The following AKT3 variants were observed in gnomAD, a reference collection of about 807,000 sequenced individuals.
AKT3 encodes the protein RAC-gamma serine/threonine-protein kinase.
A neutral mutation model predicts 65.3 loss-of-function variants in AKT3; 15 were observed. The ratio of observed to expected loss-of-function variants is 0.23; its 90% CI spans 0.15 to 0.35. The LOEUF is 0.35. AKT3 is among the 10% of genes least tolerant of loss of function. The pLI is 1.00. For synonymous variants in AKT3, 206 were observed against 183.8 expected, an observed-to-expected ratio of 1.12 and a Z score of -0.98; for missense variants, 243 against 576.5, an observed-to-expected ratio of 0.42 and a Z score of 5.92.
chr1:243,527,883 A>T (rs1671225308), intron 12 of AKT3, among the ~76,000 whole-genome samples: 1 of 48,448 alleles, frequency 2.1e-5, no homozygotes, highest in African/African-American at 1.2e-4. Context: ...ACACACACAC[A>T]CACACACACA....
chr1:243,589,601 A>G (rs1460519715), intron 8 of AKT3, among the ~76,000 whole-genome samples: 1 of 152,190 alleles, frequency 6.6e-6, no homozygotes, highest in East Asian at 1.9e-4. Context: ...AAATTGGTAT[A>G]GCCATTATGG....
intron 2 of AKT3, among the ~76,000 whole-genome samples, chr1:243,783,370 G>T (rs1316849888): frequency 6.6e-6 from 1 of 152,106 alleles, no homozygotes; most frequent in Non-Finnish European, 1.5e-5. Context: ...AGAACTTCTG[G>T]GTTAGTGATG....
At chr1:243,562,311 C>T (rs1673847363) in intron 10 of AKT3, among the ~76,000 whole-genome samples, 1 of 152,020 alleles carries the variant, frequency 6.6e-6, no homozygotes, top group Admixed American at 6.6e-5. Flanking sequence ...CAGTGGTTGC[C>T]TGTGGCGGAA....
chr1:243,750,065 T>C (rs984904906), intron 2 of AKT3, among the ~76,000 whole-genome samples: 1 of 152,236 alleles, frequency 6.6e-6, no homozygotes, highest in African/African-American at 2.4e-5. Flanking sequence ...GCCTCATATA[T>C]ACTTGAGCAA....
intron 4 of AKT3, among the ~76,000 whole-genome samples, chr1:243,656,814 T>C (rs960444341): frequency 6.6e-6 from 1 of 152,192 alleles, no homozygotes; most frequent in Admixed American, 6.5e-5. Flanking sequence ...GTGAAAGTAG[T>C]TAGCTGTTAA....
At chr1:243,683,681 G>A (rs1346561024) in intron 3 of AKT3, among the ~76,000 whole-genome samples, 1 of 152,146 alleles carries the variant, frequency 6.6e-6, no homozygotes, top group Non-Finnish European at 1.5e-5. Context: ...AGATACAGAG[G>A]AAAGGAAAGA....
chr1:243,520,480 T>C (rs931644180), intron 12 of AKT3, among the ~76,000 whole-genome samples: 2 of 152,242 alleles, frequency 1.3e-5, no homozygotes, highest in Non-Finnish European at 2.9e-5. Flanking sequence ...AGTATCTTCA[T>C]CTCTTCTTTT....
intron 12 of AKT3, among the ~76,000 whole-genome samples, chr1:243,516,200 T>A (rs1215496566): frequency 6.6e-6 from 1 of 152,256 alleles, no homozygotes; most frequent in African/African-American, 2.4e-5. Context: ...GGTACAAGGC[T>A]ATTCATGACA....
chr1:243,709,472 T>A (rs908539357), intron 2 of AKT3, among the ~76,000 whole-genome samples: 2 of 151,882 alleles, frequency 1.3e-5, no homozygotes. Flanking sequence ...TAATTCAAAG[T>A]ATAGTAGTTC....
At chr1:243,774,622 AG>A (rs1690429923) in intron 2 of AKT3, among the ~76,000 whole-genome samples, 1 of 152,176 alleles carries the variant, frequency 6.6e-6, no homozygotes, top group Admixed American at 6.5e-5. Context: ...CCACAATTTA[AG>A]GATATCTTTT....
intron 3 of AKT3, among the ~76,000 whole-genome samples, chr1:243,689,672 T>C (rs1684566170): frequency 6.6e-6 from 1 of 152,028 alleles, no homozygotes; most frequent in Non-Finnish European, 1.5e-5. Flanking sequence ...GTAAATACTT[T>C]GGTCATGCAC....
chr1:243,691,729 C>G (rs1684704810), intron 3 of AKT3, among the ~76,000 whole-genome samples: 1 of 152,122 alleles, frequency 6.6e-6, no homozygotes, highest in Admixed American at 6.5e-5. Flanking sequence ...TTAGGACGTA[C>G]CTGGTCAAAA....
rs6702303 is a variant in AKT3 at position 243,584,731 on chromosome 1, C to T, written c.697-11683G>A. Among the ~76,000 whole-genome samples the T allele has an allele frequency of 3.1e-3, 467 of 152,152 alleles. 5 individuals carry two copies. The highest frequency in any genetic ancestry group is 0.011 in the African/African-American group (439 of 41,552). On this transcript the variant is annotated intron_variant, in intron 8 of 13. Coordinates refer to ENST00000673466, the MANE Select transcript of AKT3 (RefSeq NM_005465.7). The stretch of plus-strand genomic sequence containing the variant: ...TGATAAAAACCCTCAACAAACTAGG[C>T]ATCAAAGGAACATACCTGAAAATAA...
At chr1:243,630,572 G>A (rs1167944893) in intron 6 of AKT3, among the ~76,000 whole-genome samples, 11 of 152,100 alleles carry the variant, frequency 7.2e-5, no homozygotes, top group Non-Finnish European at 1.6e-4. Flanking sequence ...TTGTATTTCT[G>A]TCCTCTAGGC....
chr1:243,695,219 A>G (rs1684986345), intron 3 of AKT3, among the ~76,000 whole-genome samples: 1 of 151,994 alleles, frequency 6.6e-6, no homozygotes, highest in Non-Finnish European at 1.5e-5. Flanking sequence ...AAAAGAGCTA[A>G]GATTATGACA....
intron 3 of AKT3, among the ~76,000 whole-genome samples, chr1:243,671,003 T>TA (rs1558703297): frequency 6.6e-6 from 1 of 152,192 alleles, no homozygotes; most frequent in African/African-American, 2.4e-5. Context: ...CCAACCTCTT[T>TA]AGCCATTTAA....
At chr1:243,659,237 G>A (rs946186704) in intron 4 of AKT3, among the ~76,000 whole-genome samples, 1 of 152,218 alleles carries the variant, frequency 6.6e-6, no homozygotes, top group African/African-American at 2.4e-5. Context: ...GAAGCAGAAA[G>A]TAGAACGGTG....
rs182317043 is a variant in AKT3, at chr1:243,735,340, G to A, written c.47-39624C>T. 5.3e-5 allele frequency among the ~76,000 whole-genome samples: 8 copies of A among 152,276 alleles called. No individual in the cohort carries two copies. In the East Asian group the frequency reaches 1.3e-3, roughly 26 times the overall value. On this transcript the variant is annotated intron_variant, in intron 2 of 13. Coordinates refer to ENST00000673466, the MANE Select transcript of AKT3 (RefSeq NM_005465.7). Reference sequence around the variant, plus strand: ...ATTGTGCTATGATGTTACATCACTAGGCAATAAGAATTTTTTAGTTCCATT... The same window carrying A: ...ATTGTGCTATGATGTTACATCACTAAGCAATAAGAATTTTTTAGTTCCATT...
intron 3 of AKT3, among the ~76,000 whole-genome samples, chr1:243,668,498 T>C (rs1682951754): frequency 6.6e-6 from 1 of 152,052 alleles, no homozygotes; most frequent in Admixed American, 6.6e-5. Flanking sequence ...AAAGGATCCA[T>C]CAGGCTTTGA....
Sources: gnomAD v4.1 joint callset for allele counts (sites outside exome capture counted in the v4.1 genomes callset) on GRCh38, gnomAD v4.1.1 for gene constraint, MANE v1.5 for transcripts, NCBI Gene and HGNC (gene_info 2026-07-23, HGNC 2026-07-21) for gene names.